The following SOBP variants were observed in gnomAD, a reference collection of about 807,000 sequenced individuals.
The protein encoded by SOBP is sine oculis-binding protein homolog.
SOBP carries 4 observed loss-of-function variants against 53.6 expected under a neutral mutation model. That is an observed-to-expected ratio of 0.07 (90% confidence interval 0.04 to 0.17). The LOEUF (loss-of-function observed/expected upper bound fraction) is 0.17, where lower values mean the gene tolerates loss of function less well. SOBP is among the 10% of genes least tolerant of loss of function. SOBP has a pLI of 1.00. For synonymous variants in SOBP, 584 were observed against 522.6 expected, an observed-to-expected ratio of 1.12 and a Z score of -1.60; for missense variants, 1,088 against 1,204.7, an observed-to-expected ratio of 0.90 and a Z score of 1.43.
chr6:107,630,661 C>G (rs570087679), intron 5 of SOBP, among the ~76,000 whole-genome samples: 2 of 152,068 alleles, frequency 1.3e-5, no homozygotes, highest in Admixed American at 1.3e-4. Context: ...TTTTGCTTCA[C>G]CAGAAAGATT....
intron 4 of SOBP, among the ~76,000 whole-genome samples, chr6:107,537,305 C>A (rs1784026771): frequency 6.6e-6 from 1 of 152,174 alleles, no homozygotes; most frequent in Admixed American, 6.5e-5. Context: ...TTTCCTTTTA[C>A]ATGGGAAATA....
At chr6:107,645,492 C>T (rs907327780) in intron 6 of SOBP, among the ~76,000 whole-genome samples, 1 of 151,124 alleles carries the variant, frequency 6.6e-6, no homozygotes, top group Non-Finnish European at 1.5e-5. Flanking sequence ...TGGCAGGAGT[C>T]CTTGACTTGA....
chr6:107,501,176 T>A (rs534095049), intron 1 of SOBP, among the ~76,000 whole-genome samples: 1 of 152,338 alleles, frequency 6.6e-6, no homozygotes, highest in South Asian at 2.1e-4. Context: ...CCTCTGACTT[T>A]TCAGCACAAA....
At chr6:107,498,590 A>G (rs1237401417) in intron 1 of SOBP, among the ~76,000 whole-genome samples, 1 of 152,212 alleles carries the variant, frequency 6.6e-6, no homozygotes, top group East Asian at 1.9e-4. Flanking sequence ...TCAGAAAGAA[A>G]AAAAAAATCA....
At chr6:107,642,342 C>T (rs1388979235) in intron 6 of SOBP, among the ~76,000 whole-genome samples, 4 of 151,928 alleles carry the variant, frequency 2.6e-5, no homozygotes, top group African/African-American at 9.7e-5. Flanking sequence ...CAAGGGTCAT[C>T]GAAAAGATTC....
At position 107,634,550 on chromosome 6, in the gene SOBP, A is replaced by G. The variant is rs1487649398; in HGVS notation, c.1706A>G (p.Asp569Gly). The stretch of plus-strand genomic sequence containing the variant: ...AACTTCATTCCGAACGCCCCTGGCG[A>G]CTCCGCGGCGGCGGGCGGCAAGCCA... Reference protein sequence around the residue: ...GENFIPNAPGDSAAAGGKPSG... With the variant: ...GENFIPNAPGGSAAAGGKPSG... Residue 569 changes from aspartate (D) to glycine (G), a missense_variant, in exon 6 of 7, where the codon GAC (aspartate) becomes GGC (glycine). By Grantham distance (94) the Asp-to-Gly change is moderately conservative. This residue lies in a region of SOBP where 665 missense variants were observed against 629.7 expected (regional missense o/e 1.06). Transcript: ENST00000317357. The surrounding 1 kb of genome is among the most constrained non-coding windows in gnomAD (Gnocchi z 4.5). The G allele has an allele frequency of 1.1e-5, 17 of 1,607,784 alleles. No homozygotes were observed. The highest frequency in any genetic ancestry group is 2.7e-5 in the African/African-American group (2 of 74,596).
At chr6:107,603,242 T>C (rs554863874) in intron 5 of SOBP, among the ~76,000 whole-genome samples, 2 of 152,358 alleles carry the variant, frequency 1.3e-5, no homozygotes, top group East Asian at 3.9e-4. Flanking sequence ...CCGCTGACAC[T>C]TGGGCAAAGC....
At chr6:107,614,373 AAT>A (rs968681403) in intron 5 of SOBP, among the ~76,000 whole-genome samples, 18 of 152,272 alleles carry the variant, frequency 1.2e-4, no homozygotes, top group African/African-American at 4.3e-4. Context: ...TCTCTTAAAA[AAT>A]ATATATATGA....
chr6:107,495,500 T>A (rs1782677719), intron 1 of SOBP, among the ~76,000 whole-genome samples: 2 of 152,166 alleles, frequency 1.3e-5, no homozygotes, highest in African/African-American at 4.8e-5. Flanking sequence ...ACCACTCCAC[T>A]TCCTCTCGAA....
chr6:107,550,411 A>G (rs1784429311), intron 4 of SOBP, among the ~76,000 whole-genome samples: 1 of 152,204 alleles, frequency 6.6e-6, no homozygotes, highest in Admixed American at 6.5e-5. Context: ...ACTTCACGCC[A>G]CACATTTATC....
chr6:107,526,214 A>G (rs887447870), intron 3 of SOBP, among the ~76,000 whole-genome samples: 10 of 152,184 alleles, frequency 6.6e-5, no homozygotes, highest in African/African-American at 2.2e-4. Flanking sequence ...TGGCCTCCCA[A>G]AGTGCTGGGA....
chr6:107,495,451 T>C (rs775758014), intron 1 of SOBP, among the ~76,000 whole-genome samples: 4 of 152,184 alleles, frequency 2.6e-5, no homozygotes, highest in Non-Finnish European at 5.9e-5. Flanking sequence ...AACTTACTTA[T>C]ACAACTCGCA....
At chr6:107,653,242 G>C (rs1265388102) in intron 6 of SOBP, among the ~76,000 whole-genome samples, 1 of 152,178 alleles carries the variant, frequency 6.6e-6, no homozygotes, top group East Asian at 1.9e-4. Context: ...GTTTGGTGTG[G>C]GGACCACTAT....
chr6:107,654,269 T>C (rs180888187), intron 6 of SOBP, among the ~76,000 whole-genome samples: 5 of 152,276 alleles, frequency 3.3e-5, no homozygotes, highest in African/African-American at 1.2e-4. Context: ...GCATAAGAAA[T>C]GGGCTTTTAT....
At chr6:107,639,548 G>T (rs956397323) in intron 6 of SOBP, among the ~76,000 whole-genome samples, 2 of 152,094 alleles carry the variant, frequency 1.3e-5, no homozygotes, top group Admixed American at 6.5e-5. Context: ...CTGTAAGCTG[G>T]AAAAAATATC....
intron 3 of SOBP, among the ~76,000 whole-genome samples, chr6:107,531,116 G>T (rs1783812057): frequency 6.6e-6 from 1 of 152,236 alleles, no homozygotes; most frequent in South Asian, 2.1e-4. Context: ...TCATCTCAGT[G>T]TTGGTCCATT....
At chr6:107,574,962 G>C (rs533719868) in intron 4 of SOBP, among the ~76,000 whole-genome samples, 22 of 152,210 alleles carry the variant, frequency 1.4e-4, no homozygotes, top group South Asian at 1.0e-3. Flanking sequence ...GTGAGGGTTT[G>C]AGCCACAACT....
intron 3 of SOBP, among the ~76,000 whole-genome samples, chr6:107,527,660 T>TCA (rs893365682): frequency 6.6e-6 from 1 of 152,210 alleles, no homozygotes; most frequent in African/African-American, 2.4e-5. Flanking sequence ...CTTACTCTTG[T>TCA]CACACACAAC....
At chr6:107,546,565 G>A (rs991869648) in intron 4 of SOBP, among the ~76,000 whole-genome samples, 2 of 152,126 alleles carry the variant, frequency 1.3e-5, no homozygotes, top group Non-Finnish European at 2.9e-5. Flanking sequence ...GCATGCTGGC[G>A]CCTGCACTCA....
Sources: gnomAD v4.1 joint callset for allele counts (sites outside exome capture counted in the v4.1 genomes callset) on GRCh38, gnomAD v4.1.1 for gene constraint, gnomAD v4.1.1 regional missense constraint, Gnocchi (gnomAD v3.1) non-coding constraint, MANE v1.5 for transcripts, NCBI Gene and HGNC (gene_info 2026-07-23, HGNC 2026-07-21) for gene names.